SIM1: variants seen among roughly 807,000 people sequenced by gnomAD.
SIM1 encodes single-minded homolog 1.
A neutral mutation model predicts 78.2 loss-of-function variants in SIM1; 18 were observed. The ratio of observed to expected loss-of-function variants is 0.23; its 90% CI spans 0.16 to 0.34. The LOEUF is 0.34. Ranked by LOEUF, SIM1 falls within the 10% of genes least tolerant of loss-of-function variation. SIM1 has a pLI of 1.00. For synonymous variants in SIM1, 417 were observed against 385.2 expected (o/e 1.08, Z -0.97); for missense variants, 939 against 975.1 (o/e 0.96, Z 0.49).
Position 100,390,776 on chromosome 6 carries a change from G to C in SIM1, c.1886C>G (p.Pro629Arg). 6.2e-7 allele frequency: 1 copy of C among 1,614,118 alleles called. No individual in the cohort carries two copies. Among genetic ancestry groups the C allele is most frequent in the Non-Finnish European group, 8.5e-7 (1 of 1,180,006 alleles). ...CHGSALANTS[P>R]CDHIQQREGK... ...CTCTCTCTGCTGGATATGGTCACAT[G>C]GTGAAGTGTTGGCAAGAGCAGAGCC... is the stretch of plus-strand genomic sequence containing the variant. Residue 629 changes from proline to arginine, a missense_variant, in exon 12 of 12, where the codon CCA becomes CGA. Physicochemically the swap from Pro to Arg is moderately radical, Grantham distance 103. Around this residue, in one of 5 missense-constraint regions of SIM1, gnomAD observed 556 missense variants for 521.9 expected, o/e 1.07. Transcript: ENST00000369208.
At chr6:100,434,467 C>T (rs1771989050) in intron 9 of SIM1, among the ~76,000 whole-genome samples, 1 of 152,170 alleles carries the variant, frequency 6.6e-6, no homozygotes, top group Non-Finnish European at 1.5e-5. Flanking sequence ...TGTTTGGACA[C>T]CAATATCAAT....
intron 9 of SIM1, among the ~76,000 whole-genome samples, chr6:100,428,052 CTAAG>C (rs1162530676): frequency 2.0e-5 from 3 of 152,094 alleles, no homozygotes; most frequent in South Asian, 2.1e-4. Flanking sequence ...GAGATACCTA[CTAAG>C]TAAGTGAGTT....
chr6:100,438,300 G>A (rs1043854598), intron 9 of SIM1, among the ~76,000 whole-genome samples: 34 of 152,060 alleles, frequency 2.2e-4, no homozygotes, highest in Admixed American at 1.3e-3. Context: ...AGTAGGCAAA[G>A]GACATAAATA....
In SIM1 at chr6:100,447,391, G is replaced by A; in HGVS notation, c.875C>T (p.Thr292Ile). 6.2e-7 allele frequency: 1 copy of A among 1,614,266 alleles called. No individual in the cohort carries two copies. Among genetic ancestry groups the A allele is most frequent in the Non-Finnish European group, 8.5e-7 (1 of 1,180,056 alleles). ...TTTCGCCAGGAACCTGTAGTACTTG[G>A]TGGTCACCTGTCCCTTCACCAGCAC... ...HLLLVKGQVT[T>I]KYYRFLAKHG... Residue 292 changes from threonine to isoleucine, a missense_variant, in exon 9 of 12, where the codon ACC becomes ATC. Physicochemically the swap from Thr to Ile is moderately conservative, Grantham distance 89. Transcript: ENST00000369208.
At chr6:100,464,504 A>G (rs1020391044) in intron 1 of SIM1, 110 bp downstream of exon 1, 6 of 152,138 alleles carry the variant, frequency 3.9e-5, no homozygotes, top group African/African-American at 1.2e-4. Flanking sequence ...CGCGCTCGCG[A>G]CAGCCCCTCG....
chr6:100,456,553 G>C (rs934675879), intron 2 of SIM1, among the ~76,000 whole-genome samples: 1 of 152,108 alleles, frequency 6.6e-6, no homozygotes, highest in African/African-American at 2.4e-5. Context: ...TAACTAAATC[G>C]GGTTTTAGAC....
intron 2 of SIM1, among the ~76,000 whole-genome samples, chr6:100,461,182 G>T (rs547094742): frequency 1.3e-5 from 2 of 152,252 alleles, no homozygotes; most frequent in South Asian, 2.1e-4. Flanking sequence ...CTTCATTGGC[G>T]CTCTCTTTAA....
At chr6:100,394,888 A>G (rs967468684) in intron 10 of SIM1, among the ~76,000 whole-genome samples, 2 of 152,226 alleles carry the variant, frequency 1.3e-5, no homozygotes, top group African/African-American at 2.4e-5. Flanking sequence ...CTTATCCTAT[A>G]TAAGAGTTGG....
chr6:100,418,392 T>TAAATAAATA (rs1562242470), intron 10 of SIM1, among the ~76,000 whole-genome samples: 8 of 123,466 alleles, frequency 6.5e-5, no homozygotes, highest in Non-Finnish European at 5.2e-5. Context: ...ATAAATAAAA[T>TAAATAAATA]AAAAAATTAA....
intron 10 of SIM1, among the ~76,000 whole-genome samples, chr6:100,397,674 T>C (rs1249974460): frequency 6.6e-6 from 1 of 151,392 alleles, no homozygotes; most frequent in Non-Finnish European, 1.5e-5. Flanking sequence ...AAAAGATAAA[T>C]TGAACTAGAT....
At chr6:100,430,907 A>T (rs1438828826) in intron 9 of SIM1, among the ~76,000 whole-genome samples, 1 of 152,188 alleles carries the variant, frequency 6.6e-6, no homozygotes, top group Non-Finnish European at 1.5e-5. Context: ...AACAAAAAAA[A>T]TACCTGTAAT....
At position 100,412,651 on chromosome 6, in the gene SIM1, A is replaced by G. The variant is rs866740217; in HGVS notation, c.1167+8139T>C. On this transcript the variant is annotated intron_variant, in intron 10 of 11. Coordinates refer to ENST00000369208, the MANE Select transcript of SIM1 (RefSeq NM_005068.3). ...AAGAAAGAAAGAAAAGAAAGAAAGA[A>G]AGAAAGAGAGAGAGAGAGAGAGAAA... Among the ~76,000 whole-genome samples, 621 of 102,898 alleles carry G rather than the reference A, an allele frequency of 6.0e-3. 36 individuals are homozygous for G. The highest frequency in any genetic ancestry group is 0.013 in the African/African-American group (381 of 28,386). The allele number at this position is 102,898 out of a possible 152,430, so 67.5% of individuals were successfully genotyped here.
chr6:100,453,842 G>A lies in SIM1; in HGVS notation c.178C>T (p.Leu60Phe). Residue 60 changes from leucine to phenylalanine, a missense_variant and splice_region_variant, in exon 3 of 12, where the codon CTC becomes TTC. Physicochemically the swap from Leu to Phe is conservative, Grantham distance 22. Transcript: ENST00000369208. Reference sequence around the variant, plus strand: ...CTTGAGTGGCCCCACGCCTCGCCGAGCCCTGTGGAGACACAGAAGCATCCT... The same window carrying A: ...CTTGAGTGGCCCCACGCCTCGCCGAACCCTGTGGAGACACAGAAGCATCCT... ...LKMRVVFPEG[L>F]GEAWGHSSRT... 1 of 1,609,360 alleles carries A rather than the reference G, an allele frequency of 6.2e-7. No individual in the cohort carries two copies. Among genetic ancestry groups the A allele is most frequent in the Non-Finnish European group, 8.5e-7 (1 of 1,178,026 alleles).
In SIM1 at chr6:100,432,906, A is replaced by G. The variant is rs149913817; in HGVS notation, c.999-11948T>C. On this transcript the variant is annotated intron_variant, in intron 9 of 11. Transcript: ENST00000369208. Reference sequence around the variant, plus strand: ...ACCCTCATTGCTGCCTCTGCCTGCTAAACTGTTCCTTCCCACCATTTACCC... The same window carrying G: ...ACCCTCATTGCTGCCTCTGCCTGCTGAACTGTTCCTTCCCACCATTTACCC... 7.8e-4 allele frequency among the ~76,000 whole-genome samples: 119 copies of G among 152,250 alleles called. 1 individual carries two copies. The highest frequency in any genetic ancestry group is 1.5e-3 in the South Asian group (7 of 4,816).
At chr6:100,419,512 G>A (rs1771507626) in intron 10 of SIM1, among the ~76,000 whole-genome samples, 1 of 152,076 alleles carries the variant, frequency 6.6e-6, no homozygotes, top group African/African-American at 2.4e-5. Flanking sequence ...ACATAACTCT[G>A]ACAAATAAGA....
rs1172512068 is a variant in SIM1 at position 100,449,695 on chromosome 6, T to C, written c.353A>G (p.Glu118Gly). ...ASVHLGLSQV[E>G]LTGNSIYEYI... ...TTCATAAATGCTGTTTCCGGTCAGCTCTACCTGTAAAGAGGAGGATGTCGC... is the reference window on the plus strand; with the variant it reads ...TTCATAAATGCTGTTTCCGGTCAGCCCTACCTGTAAAGAGGAGGATGTCGC... Residue 118 changes from glutamate to glycine, a missense_variant, in exon 5 of 12, where the codon GAG (glutamate) becomes GGG (glycine). Physicochemically the swap from Glu to Gly is moderately conservative, Grantham distance 98. Around this residue, in one of 5 missense-constraint regions of SIM1, gnomAD observed 9 missense variants for 28.5 expected, o/e 0.32. Coordinates refer to ENST00000369208, the MANE Select transcript of SIM1 (RefSeq NM_005068.3). 6.2e-7 allele frequency: 1 copy of C among 1,613,448 alleles called. No homozygotes were observed. Among genetic ancestry groups the C allele is most frequent in the East Asian group, 2.2e-5 (1 of 44,872 alleles).
chr6:100,420,225 C>G (rs1289211933), intron 10 of SIM1, among the ~76,000 whole-genome samples: 2 of 152,096 alleles, frequency 1.3e-5, no homozygotes, highest in Non-Finnish European at 2.9e-5. Flanking sequence ...TTCTGGAATA[C>G]TTCTTGGGGT....
rs1489590182 is a variant in SIM1 at position 100,385,872 on chromosome 6, T to A, written c.*4489A>T. On this transcript the variant is annotated 3_prime_UTR_variant, in exon 12 of 12. Transcript: ENST00000369208. ...CACTCTCACTTTTTGAGTTAAGCAC[T>A]ATCTGTACAACCCTTACAAGAAATT... is the stretch of plus-strand genomic sequence containing the variant. 4 of 152,012 alleles carry A rather than the reference T, an allele frequency of 2.6e-5. No individual in the cohort carries two copies. Among genetic ancestry groups the A allele is most frequent in the African/African-American group, 9.7e-5 (4 of 41,420 alleles). 9.4% of individuals were successfully genotyped at this position (152,012 alleles called of 1,614,324 possible). A position where few individuals can be genotyped will look rare whatever the true frequency, so the allele number is the denominator to read the frequency against.
At chr6:100,430,782 A>G (rs1481117793) in intron 9 of SIM1, among the ~76,000 whole-genome samples, 2 of 152,210 alleles carry the variant, frequency 1.3e-5, no homozygotes, top group Non-Finnish European at 2.9e-5. Context: ...GTTATCACAG[A>G]AACAGCTTTC....
Sources: allele counts gnomAD v4.1 joint callset (sites outside exome capture counted in the v4.1 genomes callset), GRCh38; gene constraint gnomAD v4.1.1; regional missense constraint gnomAD v4.1.1; transcripts MANE v1.5; gene names NCBI Gene and HGNC (gene_info 2026-07-23, HGNC 2026-07-21).